Variants in MAD1L1 observed in about 807,000 individuals in gnomAD.
MAD1L1 encodes mitotic spindle assembly checkpoint protein MAD1.
A neutral mutation model predicts 96.9 loss-of-function variants in MAD1L1; 95 were observed. The ratio of observed to expected loss-of-function variants is 0.98; its 90% CI spans 0.83 to 1.16. MAD1L1 has a LOEUF of 1.16. Ranked by LOEUF, MAD1L1 falls within the 50% of genes most tolerant of loss-of-function variation. The pLI, the probability that MAD1L1 is intolerant of heterozygous loss-of-function variation, is 0.00. For synonymous variants in MAD1L1, 473 were observed against 396.6 expected, an observed-to-expected ratio of 1.19 and a Z score of -2.29; for missense variants, 1,007 against 954.4, an observed-to-expected ratio of 1.06 and a Z score of -0.73.
chr7:2,033,581 A>G (rs1329946747), intron 12 of MAD1L1, among the ~76,000 whole-genome samples: 1 of 152,266 alleles, frequency 6.6e-6, no homozygotes, highest in African/African-American at 2.4e-5. Flanking sequence ...AAAACTGGGA[A>G]AAATCAACAA....
chr7:2,198,297 A>G (rs1340493562), intron 10 of MAD1L1, among the ~76,000 whole-genome samples: 1 of 152,082 alleles, frequency 6.6e-6, no homozygotes, highest in Admixed American at 6.5e-5. Context: ...GGAGCTGACC[A>G]GCCCCATGGA....
intron 11 of MAD1L1, chr7:2,079,632 C>T (rs548730461): frequency 6.2e-5 from 29 of 470,880 alleles, no homozygotes; most frequent in Admixed American, 4.0e-4. Context: ...AGGAAAATTG[C>T]CCTTTGCAAT....
At chr7:1,843,127 G>A (rs1022417688) in intron 18 of MAD1L1, among the ~76,000 whole-genome samples, 3 of 152,194 alleles carry the variant, frequency 2.0e-5, no homozygotes, top group Admixed American at 6.5e-5. Context: ...ATGAGGCCCC[G>A]ATGGCACAGT....
At chr7:2,086,655 A>C (rs1004061374) in intron 11 of MAD1L1, among the ~76,000 whole-genome samples, 4 of 152,236 alleles carry the variant, frequency 2.6e-5, no homozygotes, top group Admixed American at 2.6e-4. Flanking sequence ...CCCAGGTTCA[A>C]GCAATTCTGC....
chr7:1,953,648 G>A (rs981851782), intron 16 of MAD1L1, among the ~76,000 whole-genome samples: 3 of 152,278 alleles, frequency 2.0e-5, no homozygotes, highest in African/African-American at 7.2e-5. Flanking sequence ...GCTGGGCGAG[G>A]GATAAAGAGA....
chr7:2,059,853 A>G (rs1038231803), intron 12 of MAD1L1, among the ~76,000 whole-genome samples: 2 of 152,154 alleles, frequency 1.3e-5, no homozygotes, highest in Admixed American at 1.3e-4. Context: ...CCAGGAACAC[A>G]TACATAGAAG....
chr7:1,889,802 G>A (rs1186451264), intron 18 of MAD1L1, among the ~76,000 whole-genome samples: 1 of 152,160 alleles, frequency 6.6e-6, no homozygotes, highest in Non-Finnish European at 1.5e-5. Context: ...AAGCAAGCAT[G>A]GTGGCTCCAG....
At chr7:1,966,566 AAAAAAAAAAAC>A (rs1021236562) in intron 15 of MAD1L1, among the ~76,000 whole-genome samples, 7 of 134,334 alleles carry the variant, frequency 5.2e-5, no homozygotes, top group South Asian at 2.7e-4. Flanking sequence ...TTGGCAAAAA[AAAAAAAAAAAC>A]AAAAAAAATC....
chr7:2,059,113 G>A (rs1226519884), intron 12 of MAD1L1, among the ~76,000 whole-genome samples: 1 of 108,294 alleles, frequency 9.2e-6, no homozygotes, highest in African/African-American at 3.5e-5. Flanking sequence ...GAGAGGGAGT[G>A]TGGCCAGACG....
intron 18 of MAD1L1, among the ~76,000 whole-genome samples, chr7:1,865,065 T>C (rs1447647194): frequency 9.9e-5 from 15 of 152,146 alleles, no homozygotes. Context: ...CTCACTTGTC[T>C]AGTGACACCC....
At chr7:1,862,196 G>C (rs142278407) in intron 18 of MAD1L1, among the ~76,000 whole-genome samples, 15 of 152,320 alleles carry the variant, frequency 9.8e-5, no homozygotes, top group Admixed American at 9.8e-4. Context: ...TCGGGAGCCA[G>C]GTTACTCCGG....
intron 18 of MAD1L1, among the ~76,000 whole-genome samples, chr7:1,828,735 A>C (rs1461899825): frequency 6.6e-6 from 1 of 152,178 alleles, no homozygotes; most frequent in Non-Finnish European, 1.5e-5. Flanking sequence ...ACACGCACAC[A>C]TGCACACACA....
At chr7:2,116,200 A>G (rs1314954312) in intron 11 of MAD1L1, among the ~76,000 whole-genome samples, 2 of 152,214 alleles carry the variant, frequency 1.3e-5, no homozygotes, top group African/African-American at 4.8e-5. Flanking sequence ...GCCCCTTCCC[A>G]GCACAGAAGG....
At chr7:1,967,491 C>A (rs1295825074) in intron 15 of MAD1L1, among the ~76,000 whole-genome samples, 1 of 152,156 alleles carries the variant, frequency 6.6e-6, no homozygotes, top group Non-Finnish European at 1.5e-5. Flanking sequence ...AGTAAAAGGA[C>A]AGAAATATTT....
intron 17 of MAD1L1, among the ~76,000 whole-genome samples, chr7:1,917,644 GAGA>G (rs995071412): frequency 5.3e-5 from 8 of 152,262 alleles, no homozygotes; most frequent in Non-Finnish European, 1.2e-4. Context: ...AGAAAGAGGA[GAGA>G]AGAAGGGTGT....
intron 1 of MAD1L1, 88 bp downstream of exon 1, chr7:2,232,784 C>T (rs1449396750): frequency 1.3e-5 from 2 of 152,082 alleles, no homozygotes; most frequent in Non-Finnish European, 2.9e-5. Context: ...GCGAGCACAC[C>T]CGGTCCGGGC....
chr7:2,096,698 A>G (rs1786508209), intron 11 of MAD1L1, among the ~76,000 whole-genome samples: 1 of 151,890 alleles, frequency 6.6e-6, no homozygotes, highest in Admixed American at 6.6e-5. Context: ...ACCTTCCTGC[A>G]TGTGTCTCAG....
chr7:2,181,826 A>G (rs1791215029), intron 10 of MAD1L1, among the ~76,000 whole-genome samples: 1 of 152,182 alleles, frequency 6.6e-6, no homozygotes, highest in African/African-American at 2.4e-5. Context: ...ATATATATAT[A>G]TATCATAGAA....
At chr7:2,047,208 A>G (rs551621806) in intron 12 of MAD1L1, among the ~76,000 whole-genome samples, 1 of 152,230 alleles carries the variant, frequency 6.6e-6, no homozygotes, top group Non-Finnish European at 1.5e-5. Context: ...AAAGCAGGCA[A>G]TGAGAACTGT....
Sources: gnomAD v4.1 joint callset for allele counts (sites outside exome capture counted in the v4.1 genomes callset) on GRCh38, gnomAD v4.1.1 for gene constraint, MANE v1.5 for transcripts, NCBI Gene and HGNC (gene_info 2026-07-23, HGNC 2026-07-21) for gene names.